RB1: variants seen among roughly 807,000 people sequenced by gnomAD.
RB1 encodes the protein RB transcriptional corepressor 1.
In RB1, 18 loss-of-function variants were observed where a neutral mutation model predicts 135.4. The observed-to-expected ratio is 0.13, with a 90% CI of 0.09 to 0.20. RB1 has a LOEUF of 0.20. RB1 is among the 10% of genes least tolerant of loss of function. The probability of loss-of-function intolerance (pLI) is 1.00; values close to 1 mark genes in which losing one functional copy is unlikely to be tolerated. For missense variants in RB1, 868 were observed against 1,110.0 expected, an observed-to-expected ratio of 0.78 and a Z score of 3.10; for synonymous variants, 365 against 373.2, an observed-to-expected ratio of 0.98 and a Z score of 0.25.
intron 17 of RB1, among the ~76,000 whole-genome samples, chr13:48,400,139 TTGTC>T (rs1292719922): frequency 6.6e-6 from 1 of 152,154 alleles, no homozygotes; most frequent in Non-Finnish European, 1.5e-5. Context: ...CTTTGGAAGT[TTGTC>T]TGATAATTAT....
At chr13:48,349,110 T>C in intron 6 of RB1, 87 bp downstream of exon 6, 3 of 1,372,650 alleles carry the variant, frequency 2.2e-6, no homozygotes, top group Middle Eastern at 1.9e-4. Flanking sequence ...CCAATTTTTA[T>C]TGAGTAATGT....
At chr13:48,337,935 A>G (rs1952399779) in intron 2 of RB1, among the ~76,000 whole-genome samples, 1 of 152,216 alleles carries the variant, frequency 6.6e-6, no homozygotes, top group South Asian at 2.1e-4. Flanking sequence ...TCCTTCACTT[A>G]TGAAGCCTAG....
At chr13:48,431,524 ACTAGT>A (rs1376657458) in intron 17 of RB1, among the ~76,000 whole-genome samples, 1 of 152,248 alleles carries the variant, frequency 6.6e-6, no homozygotes, top group Admixed American at 6.5e-5. Flanking sequence ...ATTCTAAGCC[ACTAGT>A]CATCTATTCC....
In RB1 at chr13:48,414,227, G is replaced by T. The variant is rs189325044; in HGVS notation, c.1695+32784G>T. Among the ~76,000 whole-genome samples, 600 of 151,848 alleles carry T rather than the reference G, an allele frequency of 4.0e-3. 9 individuals carry two copies. The highest frequency in any genetic ancestry group is 2.6e-3 in the Non-Finnish European group (179 of 67,956). ...CCTAGGGCAATAGTGCGTGCCTGTAGTCCCAGCTACCCAGGAGACTGAGGC... is the reference window on the plus strand; with the variant it reads ...CCTAGGGCAATAGTGCGTGCCTGTATTCCCAGCTACCCAGGAGACTGAGGC... On this transcript the variant is annotated intron_variant, in intron 17 of 26. Transcript: ENST00000267163.
chr13:48,477,919 G>A (rs1436392549), intron 26 of RB1, among the ~76,000 whole-genome samples: 1 of 152,104 alleles, frequency 6.6e-6, no homozygotes, highest in African/African-American at 2.4e-5. Flanking sequence ...AAGTTATACA[G>A]AGTGATATCA....
chr13:48,367,451 A>G (rs1952714451), intron 9 of RB1, 43 bp from the exon 10 acceptor site: 1 of 1,582,992 alleles, frequency 6.3e-7, no homozygotes, highest in African/African-American at 1.3e-5. Context: ...GAGAGATGTA[A>G]TGACATGTAA....
chr13:48,413,772 G>GT (rs1566214043), intron 17 of RB1, among the ~76,000 whole-genome samples: 2 of 152,116 alleles, frequency 1.3e-5, no homozygotes, highest in Non-Finnish European at 2.9e-5. Flanking sequence ...ACTCAAGAAT[G>GT]TTTATCTTTG....
intron 2 of RB1, among the ~76,000 whole-genome samples, chr13:48,331,878 G>T (rs755296311): frequency 1.8e-4 from 27 of 152,162 alleles, no homozygotes; most frequent in Non-Finnish European, 3.1e-4. Context: ...ATAAAATGTG[G>T]TACAGATTGT....
In RB1 at chr13:48,480,702, AG is replaced by A. The variant is rs1440699032; in HGVS notation, c.*632del. Reference sequence around the variant, plus strand: ...AAAATTTTGCTTTTAATTAAATAAAAGCTGGAAGCAAAGTATAACCATATGA... The same window carrying A: ...AAAATTTTGCTTTTAATTAAATAAAACTGGAAGCAAAGTATAACCATATGA... On this transcript the variant is annotated 3_prime_UTR_variant, in exon 27 of 27. Coordinates refer to ENST00000267163, the MANE Select transcript of RB1 (RefSeq NM_000321.3). 3 of 227,200 alleles carry A rather than the reference AG, an allele frequency of 1.3e-5. No homozygotes were observed. The highest frequency in any genetic ancestry group is 8.8e-6 in the Non-Finnish European group (1 of 114,100). The allele number at this position is 227,200 out of a possible 1,614,324, so 14.1% of individuals were successfully genotyped here.
Position 48,319,057 on chromosome 13 carries a change from C to T in RB1, c.264+11651C>T, listed in dbSNP as rs905135432. 7 of 625,294 alleles carry T rather than the reference C, an allele frequency of 1.1e-5. No individual in the cohort carries two copies. The highest frequency in any genetic ancestry group is 9.2e-5 in the African/African-American group (5 of 54,564). 38.7% of individuals were successfully genotyped at this position (625,294 alleles called of 1,614,324 possible). The stretch of plus-strand genomic sequence containing the variant: ...CTTCCGCGCGCGTCAGTTCAGCGGA[C>T]GTGTCTGCCTGGCACGAGGACCGTT... On this transcript the variant is annotated intron_variant, in intron 2 of 26. Transcript: ENST00000267163. The surrounding 1 kb of genome is among the most constrained non-coding windows in gnomAD (Gnocchi z 5.0).
At chr13:48,352,442 T>G (rs112030202) in intron 6 of RB1, among the ~76,000 whole-genome samples, 9,243 of 152,172 alleles carry the variant, frequency 0.061, 909 homozygotes, top group African/African-American at 0.21. Context: ...GTAATTTTTT[T>G]GGGGCAGTAT....
intron 23 of RB1, among the ~76,000 whole-genome samples, chr13:48,465,986 C>G (rs920552869): frequency 6.3e-5 from 9 of 142,930 alleles, no homozygotes; most frequent in Non-Finnish European, 9.3e-5. Context: ...GGGGGAGGGG[C>G]GCCTGCCATT....
intron 17 of RB1, among the ~76,000 whole-genome samples, chr13:48,450,321 G>A (rs905501563): frequency 1.3e-5 from 2 of 151,922 alleles, no homozygotes; most frequent in Non-Finnish European, 2.9e-5. Context: ...TTACAGAAGG[G>A]GTCTAGTTTC....
chr13:48,355,373 A>G (rs943194762), intron 6 of RB1, among the ~76,000 whole-genome samples: 1 of 152,126 alleles, frequency 6.6e-6, no homozygotes, highest in Non-Finnish European at 1.5e-5. Context: ...TGAGGTATTT[A>G]TCTCACTGCA....
At chr13:48,463,905 G>A (rs2138342979) in intron 21 of RB1, 70 bp downstream of exon 21, 1 of 936,806 alleles carries the variant, frequency 1.1e-6, no homozygotes, top group African/African-American at 1.6e-5. Context: ...TAATTCATTT[G>A]ATCTCATTTA....
At chr13:48,431,907 G>A (rs1949133526) in intron 17 of RB1, among the ~76,000 whole-genome samples, 8 of 151,946 alleles carry the variant, frequency 5.3e-5, no homozygotes, top group African/African-American at 1.9e-4. Flanking sequence ...TTTTCCAGTA[G>A]CAAAATATTT....
chr13:48,472,452 T>C (rs1566239558), intron 23 of RB1, among the ~76,000 whole-genome samples: 1 of 152,140 alleles, frequency 6.6e-6, no homozygotes, highest in East Asian at 1.9e-4. Flanking sequence ...AGATGCCACG[T>C]CATGTCTATT....
At chr13:48,411,264 A>G (rs1948794167) in intron 17 of RB1, 8 of 803,628 alleles carry the variant, frequency 1.0e-5, no homozygotes, top group Admixed American at 3.8e-5. Flanking sequence ...TCTTTATACT[A>G]AAGACTTTAA....
intron 17 of RB1, among the ~76,000 whole-genome samples, chr13:48,440,937 A>G (rs1949230850): frequency 6.6e-6 from 1 of 152,200 alleles, no homozygotes; most frequent in South Asian, 2.1e-4. Flanking sequence ...TTATAATTAA[A>G]ATGTAGGGAA....
Sources: allele counts gnomAD v4.1 joint callset (sites outside exome capture counted in the v4.1 genomes callset), GRCh38; gene constraint gnomAD v4.1.1; non-coding constraint Gnocchi (gnomAD v3.1); transcripts MANE v1.5; gene names NCBI Gene and HGNC (gene_info 2026-07-23, HGNC 2026-07-21).